The following SYN3 variants were observed in gnomAD, a reference collection of about 807,000 sequenced individuals.
The protein encoded by SYN3 is synapsin III.
SYN3 carries 35 observed loss-of-function variants against 65.8 expected under a neutral mutation model. The observed-to-expected ratio is 0.53, with a 90% CI of 0.41 to 0.70. The LOEUF (loss-of-function observed/expected upper bound fraction) is 0.70. Among genes scored for constraint, SYN3 ranks in the 30% least tolerant of loss-of-function variants. SYN3 has a pLI of 0.00. For synonymous variants in SYN3, 270 were observed against 292.9 expected (o/e 0.92, Z 0.80); for missense variants, 680 against 749.0 (o/e 0.91, Z 1.08).
intron 3 of SYN3, among the ~76,000 whole-genome samples, chr22:32,971,278 T>G (rs1308196752): frequency 6.6e-6 from 1 of 152,178 alleles, no homozygotes; most frequent in South Asian, 2.1e-4. Flanking sequence ...TAATGGGCCC[T>G]AGTATTCCAC....
chr22:32,936,840 CCA>C (rs2146728087), intron 3 of SYN3, among the ~76,000 whole-genome samples: 1 of 152,280 alleles, frequency 6.6e-6, no homozygotes, highest in African/African-American at 2.4e-5. Flanking sequence ...CTCTTCAATC[CCA>C]GTTTTACAGT....
At chr22:33,042,326 C>T (rs573033470) in intron 1 of SYN3, among the ~76,000 whole-genome samples, 1 of 152,172 alleles carries the variant, frequency 6.6e-6, no homozygotes, top group South Asian at 2.1e-4. Context: ...GCAGGAAAGG[C>T]CCCCAGACCC....
chr22:32,738,491 A>G (rs1220209442), intron 6 of SYN3, among the ~76,000 whole-genome samples: 3 of 152,246 alleles, frequency 2.0e-5, no homozygotes, highest in Admixed American at 6.5e-5. Context: ...ATGACTCTGA[A>G]TTTGAAGAAA....
chr22:33,012,575 T>C (rs959283969), intron 1 of SYN3, among the ~76,000 whole-genome samples: 5 of 152,176 alleles, frequency 3.3e-5, no homozygotes, highest in Non-Finnish European at 7.3e-5. Context: ...AAGCAGGAAG[T>C]TTATTAGGCA....
intron 6 of SYN3, among the ~76,000 whole-genome samples, chr22:32,671,251 T>C (rs2060357353): frequency 1.3e-5 from 2 of 151,366 alleles, no homozygotes; most frequent in Non-Finnish European, 2.9e-5. Flanking sequence ...CACACATGCA[T>C]TGACATGCAC....
In SYN3 at chr22:32,896,928, G is replaced by A. The variant is rs1334013183; in HGVS notation, c.462-27803C>T. On this transcript the variant is annotated intron_variant, in intron 4 of 13. Transcript: ENST00000358763. ...CACCAAGTGGTGGCTTAGAAGTCAC[G>A]TATTCCCCAGTGATGTTTGGTAACC... Among the ~76,000 whole-genome samples, 4 of 152,168 alleles carry A rather than the reference G, an allele frequency of 2.6e-5. No individual in the cohort carries two copies. In the East Asian group the frequency reaches 7.7e-4, roughly 29 times the overall value.
At chr22:32,814,242 A>C (rs1266781975) in intron 6 of SYN3, among the ~76,000 whole-genome samples, 1 of 145,906 alleles carries the variant, frequency 6.9e-6, no homozygotes, top group Non-Finnish European at 1.5e-5. Flanking sequence ...AAAAAGAAAG[A>C]AAGAAGGAAA....
At chr22:32,706,455 C>A (rs372631801) in intron 6 of SYN3, among the ~76,000 whole-genome samples, 4 of 152,064 alleles carry the variant, frequency 2.6e-5, no homozygotes, top group East Asian at 1.9e-4. Context: ...GAATTCTGCA[C>A]GCAACAAAAA....
intron 6 of SYN3, among the ~76,000 whole-genome samples, chr22:32,847,752 T>C (rs1440632503): frequency 6.6e-6 from 1 of 152,204 alleles, no homozygotes; most frequent in African/African-American, 2.4e-5. Flanking sequence ...ATTTATTGAG[T>C]ATCTACTCCT....
intron 6 of SYN3, among the ~76,000 whole-genome samples, chr22:32,600,597 C>T (rs1395378951): frequency 6.6e-6 from 1 of 152,194 alleles, no homozygotes; most frequent in Admixed American, 6.5e-5. Flanking sequence ...GTGCAGACCA[C>T]CACGGTCTTC....
chr22:32,573,532 A>T (rs138871596), intron 7 of SYN3, among the ~76,000 whole-genome samples: 229 of 152,316 alleles, frequency 1.5e-3, no homozygotes, highest in African/African-American at 5.3e-3. Context: ...GATGAACTCT[A>T]TCATACATGT....
At chr22:32,800,834 C>A (rs1214462192) in intron 6 of SYN3, among the ~76,000 whole-genome samples, 2 of 152,202 alleles carry the variant, frequency 1.3e-5, no homozygotes, top group Non-Finnish European at 2.9e-5. Context: ...TGCCCCAGAG[C>A]TGATCCTTGT....
At position 32,708,963 on chromosome 22, in the gene SYN3, G is replaced by C. The variant is rs1432798312; in HGVS notation, c.712-112227C>G. 2.0e-5 allele frequency among the ~76,000 whole-genome samples: 3 copies of C among 152,204 alleles called. No homozygotes were observed. The East Asian group carries it at 5.8e-4, about 29-fold the overall frequency. Reference sequence around the variant, plus strand: ...GGGGGCTGTGCACGGGCCTGGCATGGAAGAGAGAATCACTCGAGCCCTGCG... The same window carrying C: ...GGGGGCTGTGCACGGGCCTGGCATGCAAGAGAGAATCACTCGAGCCCTGCG... On this transcript the variant is annotated intron_variant, in intron 6 of 13. Coordinates refer to ENST00000358763, the MANE Select transcript of SYN3 (RefSeq NM_003490.4).
At chr22:32,715,778 C>CAA (rs765122891) in intron 6 of SYN3, among the ~76,000 whole-genome samples, 1,098 of 65,354 alleles carry the variant, frequency 0.017, 25 homozygotes, top group African/African-American at 0.045. Flanking sequence ...GACTCTGTCT[C>CAA]AAAAAAAAAA....
chr22:32,556,355 C>A (rs1444748428), intron 7 of SYN3, among the ~76,000 whole-genome samples: 1 of 152,172 alleles, frequency 6.6e-6, no homozygotes, highest in Non-Finnish European at 1.5e-5. Context: ...TCCTCTCCCA[C>A]GTGATTTTCA....
chr22:32,912,847 G>T (rs912291202), intron 4 of SYN3, among the ~76,000 whole-genome samples: 1 of 152,220 alleles, frequency 6.6e-6, no homozygotes, highest in Non-Finnish European at 1.5e-5. Flanking sequence ...TGGGTGGAAG[G>T]AGTGATAAAC....
chr22:32,564,828 T>C (rs891635984), intron 7 of SYN3, among the ~76,000 whole-genome samples: 1 of 147,318 alleles, frequency 6.8e-6, no homozygotes, highest in African/African-American at 2.5e-5. Flanking sequence ...ACCCAAACAG[T>C]GCTCCCGGAC....
intron 7 of SYN3, among the ~76,000 whole-genome samples, chr22:32,556,361 T>C (rs139318259): frequency 1.3e-3 from 195 of 152,258 alleles, no homozygotes; most frequent in African/African-American, 4.5e-3. Flanking sequence ...CCCACGTGAT[T>C]TTCACATGGT....
intron 7 of SYN3, among the ~76,000 whole-genome samples, chr22:32,545,587 CACTT>C (rs1212701107): frequency 2.0e-5 from 3 of 152,126 alleles, no homozygotes; most frequent in African/African-American, 7.2e-5. Flanking sequence ...GAGACAGTCT[CACTT>C]ACTCTGTTGC....
Sources: gnomAD v4.1 joint callset for allele counts (sites outside exome capture counted in the v4.1 genomes callset) on GRCh38, gnomAD v4.1.1 for gene constraint, MANE v1.5 for transcripts, NCBI Gene and HGNC (gene_info 2026-07-23, HGNC 2026-07-21) for gene names.